Variants in WDR3 observed in about 807,000 individuals in gnomAD.
WDR3 encodes the protein WD repeat-containing protein 3.
A neutral mutation model predicts 123.7 loss-of-function variants in WDR3; 81 were observed. The ratio of observed to expected loss-of-function variants is 0.65; its 90% CI spans 0.55 to 0.79. The LOEUF is 0.79. WDR3 is among the 30% of genes least tolerant of loss of function. The pLI is 0.00. For missense variants in WDR3, 1,027 were observed against 1,123.2 expected, an observed-to-expected ratio of 0.91 and a Z score of 1.22; for synonymous variants, 390 against 388.8, an observed-to-expected ratio of 1.00 and a Z score of -0.04.
At chr1:117,945,330 G>T (rs574141331) in intron 11 of WDR3, among the ~76,000 whole-genome samples, 1 of 152,218 alleles carries the variant, frequency 6.6e-6, no homozygotes, top group East Asian at 1.9e-4. Context: ...AGCCACACTG[G>T]TCTTCTTGCT....
In WDR3 at chr1:117,939,555, A is replaced by G. The variant is rs1314976900; in HGVS notation, c.658A>G (p.Ile220Val). Reference sequence around the variant, plus strand: ...AGACAGTGAACTGAGGGTATGGGACATAGCTTATCTGCAAGAGGTAATTAC... The same window carrying G: ...AGACAGTGAACTGAGGGTATGGGACGTAGCTTATCTGCAAGAGGTAATTAC... ...ASDSELRVWD[I>V]AYLQEIEDPE... Residue 220 changes from isoleucine (I) to valine (V), a missense_variant, in exon 6 of 27, where the codon ATA becomes GTA. Ile to Val is a conservative substitution (Grantham distance 29). Coordinates refer to ENST00000349139, the MANE Select transcript of WDR3 (RefSeq NM_006784.3). 47 of 1,613,612 alleles carry G rather than the reference A, an allele frequency of 2.9e-5. No homozygotes were observed. The highest frequency in any genetic ancestry group is 3.6e-5 in the Non-Finnish European group (43 of 1,179,682).
rs1266269136 is a variant in WDR3 at position 117,933,356 on chromosome 1, A to T, written c.37A>T (p.Ser13Cys). The change falls in exon 2 of 27, where the codon AGT (serine) becomes TGT (cysteine). Residue 13 changes from serine (S) to cysteine (C), a missense_variant. Ser to Cys is a moderately radical substitution (Grantham distance 112). Coordinates refer to ENST00000349139, the MANE Select transcript of WDR3 (RefSeq NM_006784.3). ...CAAGCAGTACCTACGCTATGTTGCT[A>T]GTGCGGTCTTTGGCGTTATCGGCAG... is the stretch of plus-strand genomic sequence containing the variant. ...LTKQYLRYVA[S>C]AVFGVIGSQK... is the part of the protein sequence containing the mutation. The T allele has an allele frequency of 5.6e-6, 9 of 1,614,060 alleles. No homozygotes were observed. In the Admixed American group the frequency reaches 1.5e-4, roughly 27 times the overall value.
rs142144951 is a variant in WDR3, at chr1:117,943,398, C to T, written c.1100C>T (p.Ser367Phe). 10 of 1,612,714 alleles carry T rather than the reference C, an allele frequency of 6.2e-6. No individual in the cohort carries two copies. The African/African-American group carries it at 1.3e-4, about 22-fold the overall frequency. ...TTTATGATTATTTTCTTGTACAGGT[C>T]CTTTGACTTGATTCATTCACCTCAC... ...TNIKTSAKIK[S>F]FDLIHSPHGE... The change falls in exon 11 of 27, where the codon TCC becomes TTC. Residue 367 changes from serine (S) to phenylalanine (F), a missense_variant and splice_region_variant. By Grantham distance (155) the Ser-to-Phe change is radical (BLOSUM62 -2). Transcript: ENST00000349139.
chr1:117,930,947 G>T (rs1650692294), intron 1 of WDR3, among the ~76,000 whole-genome samples: 1 of 152,114 alleles, frequency 6.6e-6, no homozygotes, highest in Non-Finnish European at 1.5e-5. Context: ...TTATTGTGGA[G>T]AATTTGTTTA....
chr1:117,939,284 A>C (rs549520788), intron 5 of WDR3, among the ~76,000 whole-genome samples, 193 bp from the exon 6 acceptor site: 1 of 152,260 alleles, frequency 6.6e-6, no homozygotes, highest in South Asian at 2.1e-4. Flanking sequence ...TAACAATTTC[A>C]CCGCAGGCCA....
chr1:117,952,903 A>ATGTT, intron 19 of WDR3, 43 bp from the exon 20 acceptor site: 1 of 1,606,172 alleles, frequency 6.2e-7, no homozygotes, highest in South Asian at 1.1e-5. Flanking sequence ...TATAGAGACC[A>ATGTT]TGTTTTTTTC....
intron 9 of WDR3, 45 bp from the exon 10 acceptor site, chr1:117,942,392 T>C (rs1168445241): frequency 1.3e-6 from 2 of 1,557,450 alleles, no homozygotes; most frequent in African/African-American, 2.7e-5. Context: ...GCAAAGCTGC[T>C]TCTAGAAAAA....
At chr1:117,930,494 C>CG (rs1650673423) in intron 1 of WDR3, among the ~76,000 whole-genome samples, 1 of 152,106 alleles carries the variant, frequency 6.6e-6, no homozygotes, top group Admixed American at 6.5e-5. Context: ...TCGAGAAATA[C>CG]GGGGGTTAGA....
rs1176899693 is a variant in WDR3, at chr1:117,965,945, TTTAC to T, written c.*6502_*6505del. 1.3e-5 allele frequency: 2 copies of T among 152,184 alleles called. No homozygotes were observed. Among genetic ancestry groups the T allele is most frequent in the Non-Finnish European group, 2.9e-5 (2 of 68,030 alleles). The allele number at this position is 152,184 out of a possible 1,614,324, so 9.4% of individuals were successfully genotyped here. A position where few individuals can be genotyped will look rare whatever the true frequency, so the allele number is the denominator to read the frequency against. ...TGTTGCCATGGTTTTGTTCATTATT[TTTAC>T]TTAAAGTTCCCGTCAATCAAGTTTT... is the stretch of plus-strand genomic sequence containing the variant. On this transcript the variant is annotated 3_prime_UTR_variant, in exon 27 of 27. Transcript: ENST00000349139.
rs369601753 is a variant in WDR3 at position 117,958,805 on chromosome 1, T to C, written c.2583-105T>C. 1.9e-5 allele frequency: 13 copies of C among 698,224 alleles called. No homozygotes were observed. The African/African-American group carries it at 2.2e-4, about 12-fold the overall frequency. The allele number at this position is 698,224 out of a possible 1,614,324, so 43.3% of individuals were successfully genotyped here. On this transcript the variant is annotated intron_variant, in intron 25 of 26. Coordinates refer to ENST00000349139, the MANE Select transcript of WDR3 (RefSeq NM_006784.3). ...TTTTGCTCGAAACATTTCTATAATGTATATTTTGTTGTTGCTTTGATATTG... is the reference window on the plus strand; with the variant it reads ...TTTTGCTCGAAACATTTCTATAATGCATATTTTGTTGTTGCTTTGATATTG...
intron 12 of WDR3, among the ~76,000 whole-genome samples, chr1:117,948,133 A>G (rs1230023707): frequency 6.6e-6 from 1 of 152,222 alleles, no homozygotes; most frequent in Non-Finnish European, 1.5e-5. Flanking sequence ...TGTGTAACCA[A>G]TGAAAGTAAT....
At position 117,964,101 on chromosome 1, in the gene WDR3, A is replaced by C. The variant is rs1198768039; in HGVS notation, c.*4654A>C. 4 of 675,484 alleles carry C rather than the reference A, an allele frequency of 5.9e-6. No individual in the cohort carries two copies. In the Admixed American group the frequency reaches 1.1e-4, roughly 19 times the overall value. 41.8% of individuals were successfully genotyped at this position (675,484 alleles called of 1,614,324 possible). A position where few individuals can be genotyped will look rare whatever the true frequency, so the allele number is the denominator to read the frequency against. ...TTCTGCATGCTCAGGCTTGGGGGTTAGAGGATGGATATGCCAATGTCTAGA... is the reference window on the plus strand; with the variant it reads ...TTCTGCATGCTCAGGCTTGGGGGTTCGAGGATGGATATGCCAATGTCTAGA... On this transcript the variant is annotated 3_prime_UTR_variant, in exon 27 of 27. Coordinates refer to ENST00000349139, the MANE Select transcript of WDR3 (RefSeq NM_006784.3).
intron 17 of WDR3, 49 bp downstream of exon 17, chr1:117,952,125 T>C (rs1365724069): frequency 5.1e-6 from 8 of 1,576,070 alleles, no homozygotes; most frequent in East Asian, 4.5e-5. Flanking sequence ...CTGTAAGTTA[T>C]CACTTTCCTT....
chr1:117,955,000 G>T, intron 23 of WDR3: 1 of 380,200 alleles, frequency 2.6e-6, no homozygotes, highest in Non-Finnish European at 4.7e-6. Flanking sequence ...GAAGAGTGAT[G>T]GGAGAATGTA....
rs1280975091 is a variant in WDR3, at chr1:117,940,892, T to C, written c.741T>C (p.Thr247=). ...GATCTTCTCCTGGAATACAAGATACTCTTGAGGCAGAGGATGGTGCCTTTG... is the reference window on the plus strand; with the variant it reads ...GATCTTCTCCTGGAATACAAGATACCCTTGAGGCAGAGGATGGTGCCTTTG... ...IKGSSPGIQD[T]LEAEDGAFET... Residue 247 remains threonine (T), a synonymous_variant, in exon 7 of 27, where the codon ACT becomes ACC. Transcript: ENST00000349139. The C allele has an allele frequency of 1.2e-6, 2 of 1,613,932 alleles. No homozygotes were observed. Among genetic ancestry groups the C allele is most frequent in the Admixed American group, 1.7e-5 (1 of 59,970 alleles).
intron 13 of WDR3, among the ~76,000 whole-genome samples, chr1:117,949,539 T>A (rs1651523370): frequency 6.6e-6 from 1 of 152,228 alleles, no homozygotes. Context: ...TTATTATTTC[T>A]GCCTATGTTA....
intron 9 of WDR3, 64 bp downstream of exon 9, chr1:117,941,911 A>G: frequency 6.7e-7 from 1 of 1,492,468 alleles, no homozygotes; most frequent in Non-Finnish European, 8.8e-7. Context: ...GTTACTGAAA[A>G]AAAACTGGCT....
chr1:117,958,767 CTTT>C (rs3215666), intron 25 of WDR3, 140 bp from the exon 26 acceptor site: 4,283 of 357,078 alleles, frequency 0.012, 1 homozygote, highest in East Asian at 0.014. Flanking sequence ...ACTTCTTTGG[CTTT>C]TTTTTTTTTT....
In WDR3 at chr1:117,959,292, G is replaced by A; in HGVS notation, c.2677G>A (p.Asp893Asn). Residue 893 changes from aspartate to asparagine, a missense_variant and splice_region_variant, in exon 27 of 27, where the codon GAT becomes AAT. By Grantham distance (23) the Asp-to-Asn change is conservative. Coordinates refer to ENST00000349139, the MANE Select transcript of WDR3 (RefSeq NM_006784.3). ...TTISKVSQVRDVIGFNMAGLD... is the reference protein window; with the variant it reads ...TTISKVSQVRNVIGFNMAGLD... ...TAATATTTCTTGTATTGCACTCCAG[G>A]ATGTTATCGGCTTCAATATGGCTGG... is the stretch of plus-strand genomic sequence containing the variant. The A allele has an allele frequency of 6.2e-7, 1 of 1,610,194 alleles. No homozygotes were observed. Among genetic ancestry groups the A allele is most frequent in the Non-Finnish European group, 8.5e-7 (1 of 1,178,996 alleles).
Sources: allele counts gnomAD v4.1 joint callset (sites outside exome capture counted in the v4.1 genomes callset), GRCh38; gene constraint gnomAD v4.1.1; transcripts MANE v1.5; gene names NCBI Gene and HGNC (gene_info 2026-07-23, HGNC 2026-07-21).